Variants in GABRB3 observed in about 807,000 individuals in gnomAD.
GABRB3 encodes the protein gamma-aminobutyric acid type A receptor subunit beta3.
In GABRB3, 14 loss-of-function variants were observed where a neutral mutation model predicts 52.1. The ratio of observed to expected loss-of-function variants is 0.27; its 90% CI spans 0.18 to 0.42. The LOEUF is 0.42. GABRB3 is among the 10% of genes least tolerant of loss of function. The pLI, the probability that GABRB3 is intolerant of heterozygous loss-of-function variation, is 1.00. For missense variants in GABRB3, 307 were observed against 609.1 expected (o/e 0.50, Z 5.22); for synonymous variants, 260 against 232.3 (o/e 1.12, Z -1.08).
rs146947301 is a variant in GABRB3, at chr15:26,755,942, C to T, written c.240+16460G>A. On this transcript the variant is annotated intron_variant, in intron 3 of 8. Transcript: ENST00000311550. ...TACTAAGTAAAATACATTATTTGGC[C>T]AGTCAAGGGAATATTATACAGCCCT... is the stretch of plus-strand genomic sequence containing the variant. Among the ~76,000 whole-genome samples, 53 of 152,188 alleles carry T rather than the reference C, an allele frequency of 3.5e-4. No homozygotes were observed. The East Asian group carries it at 9.1e-3, about 26-fold the overall frequency.
At chr15:26,600,564 G>A (rs1891552840) in intron 4 of GABRB3, among the ~76,000 whole-genome samples, 1 of 152,176 alleles carries the variant, frequency 6.6e-6, no homozygotes, top group Non-Finnish European at 1.5e-5. Context: ...TTCTAAGAAA[G>A]AGTGGTATGA....
intron 3 of GABRB3, among the ~76,000 whole-genome samples, chr15:26,635,392 T>C (rs923026591): frequency 9.2e-5 from 14 of 152,066 alleles, no homozygotes; most frequent in Non-Finnish European, 4.4e-5. Context: ...TTAAGAATTC[T>C]ATGTTCTTAA....
At position 26,629,706 on chromosome 15, in the gene GABRB3, C is replaced by T. The variant is rs368869413; in HGVS notation, c.241-8172G>A. Reference sequence around the variant, plus strand: ...TCAGCCCTGGTGCAGCTTCTGAGTTCACCGAGCCCCTTCTGGTTGTAATTA... The same window carrying T: ...TCAGCCCTGGTGCAGCTTCTGAGTTTACCGAGCCCCTTCTGGTTGTAATTA... On this transcript the variant is annotated intron_variant, in intron 3 of 8. Coordinates refer to ENST00000311550, the MANE Select transcript of GABRB3 (RefSeq NM_000814.6). Among the ~76,000 whole-genome samples, 214 of 152,262 alleles carry T rather than the reference C, an allele frequency of 1.4e-3. 4 individuals carry two copies. Among genetic ancestry groups the T allele is most frequent in the Middle Eastern group, 6.8e-3 (2 of 294 alleles).
At chr15:26,557,441 A>C (rs1043213471) in intron 8 of GABRB3, among the ~76,000 whole-genome samples, 7 of 152,246 alleles carry the variant, frequency 4.6e-5, no homozygotes, top group Admixed American at 6.5e-5. Context: ...AGTTAAAAAA[A>C]GAAACTGTAG....
chr15:26,647,605 G>T (rs1887051441), intron 3 of GABRB3, among the ~76,000 whole-genome samples: 1 of 152,160 alleles, frequency 6.6e-6, no homozygotes, highest in African/African-American at 2.4e-5. Context: ...AGAGAGAGCA[G>T]GTGCCAAGGC....
intron 6 of GABRB3, among the ~76,000 whole-genome samples, chr15:26,571,475 C>A (rs1264888991): frequency 6.6e-6 from 1 of 152,162 alleles, no homozygotes; most frequent in Non-Finnish European, 1.5e-5. Flanking sequence ...AGAAGAGCAG[C>A]AAATATTTTT....
chr15:26,629,093 C>G, intron 3 of GABRB3: 1 of 1,535,764 alleles, frequency 6.5e-7, no homozygotes, highest in African/African-American at 1.4e-5. Context: ...TTGTGACTGT[C>G]GCTTCCTCTC....
chr15:26,584,625 C>T (rs1890911662), intron 4 of GABRB3, among the ~76,000 whole-genome samples: 1 of 152,188 alleles, frequency 6.6e-6, no homozygotes, highest in African/African-American at 2.4e-5. Context: ...GTTAAGGCTC[C>T]ACCATGCAAT....
intron 3 of GABRB3, among the ~76,000 whole-genome samples, chr15:26,640,299 C>A (rs111675693): frequency 1.3e-5 from 2 of 152,084 alleles, no homozygotes; most frequent in Non-Finnish European, 2.9e-5. Context: ...AGGCAGATCA[C>A]GAGGTCAGGA....
chr15:26,722,436 A>G (rs1392055571), intron 3 of GABRB3, among the ~76,000 whole-genome samples: 1 of 152,218 alleles, frequency 6.6e-6, no homozygotes, highest in Non-Finnish European at 1.5e-5. Flanking sequence ...TCTTGGCGAC[A>G]TAGGCACTCA....
chr15:26,766,845 G>A (rs921129549), intron 3 of GABRB3, among the ~76,000 whole-genome samples: 10 of 152,112 alleles, frequency 6.6e-5, no homozygotes, highest in African/African-American at 2.4e-4. Context: ...ACGGGCTCAA[G>A]CAAGAGGCCA....
intron 6 of GABRB3, among the ~76,000 whole-genome samples, chr15:26,568,288 C>T (rs1256208423): frequency 1.3e-5 from 2 of 152,100 alleles, no homozygotes; most frequent in African/African-American, 2.4e-5. Flanking sequence ...GCTTCTGCTT[C>T]GGCCACAGAA....
At chr15:26,739,454 G>A (rs902771544) in intron 3 of GABRB3, among the ~76,000 whole-genome samples, 2 of 152,094 alleles carry the variant, frequency 1.3e-5, no homozygotes, top group Non-Finnish European at 2.9e-5. Flanking sequence ...CTGGGAAACA[G>A]AAATCTATGA....
At chr15:26,554,353 C>G (rs1889674585) in intron 8 of GABRB3, among the ~76,000 whole-genome samples, 1 of 150,608 alleles carries the variant, frequency 6.6e-6, no homozygotes, top group Non-Finnish European at 1.5e-5. Context: ...AATACCATCT[C>G]TTTTCTAGTG....
intron 3 of GABRB3, among the ~76,000 whole-genome samples, chr15:26,630,829 T>G (rs1892893055): frequency 6.6e-6 from 1 of 152,188 alleles, no homozygotes; most frequent in Non-Finnish European, 1.5e-5. Flanking sequence ...GGGATGCGTG[T>G]TTTACAAGCT....
chr15:26,773,318 G>A (rs1265086643), upstream of GABRB3, among the ~76,000 whole-genome samples: 2 of 150,682 alleles, frequency 1.3e-5, no homozygotes, highest in Non-Finnish European at 3.0e-5. Flanking sequence ...CTGGGACCGC[G>A]GAGTGCGGGG....
At chr15:26,739,823 T>C (rs1890156539) in intron 3 of GABRB3, among the ~76,000 whole-genome samples, 2 of 152,186 alleles carry the variant, frequency 1.3e-5, no homozygotes, top group Admixed American at 6.5e-5. Flanking sequence ...CGTTTATCTT[T>C]CCTTTATGCT....
At chr15:26,645,712 T>C (rs1705315147) in intron 3 of GABRB3, among the ~76,000 whole-genome samples, 1 of 152,156 alleles carries the variant, frequency 6.6e-6, no homozygotes, top group African/African-American at 2.4e-5. Flanking sequence ...GAATTCATGC[T>C]TGAAGAAATG....
At chr15:26,724,879 A>G (rs1460260554) in intron 3 of GABRB3, among the ~76,000 whole-genome samples, 1 of 152,112 alleles carries the variant, frequency 6.6e-6, no homozygotes, top group African/African-American at 2.4e-5. Context: ...GGGAGGCTAC[A>G]CTTCCCAGCC....
Sources: gnomAD v4.1 joint callset for allele counts (sites outside exome capture counted in the v4.1 genomes callset) on GRCh38, gnomAD v4.1.1 for gene constraint, MANE v1.5 for transcripts, NCBI Gene and HGNC (gene_info 2026-07-23, HGNC 2026-07-21) for gene names.